Variants in DGKB observed in about 807,000 individuals in gnomAD.
DGKB encodes the protein 90 kDa diacylglycerol kinase.
DGKB carries 67 observed loss-of-function variants against 114.3 expected under a neutral mutation model. The ratio of observed to expected loss-of-function variants is 0.59; its 90% CI spans 0.48 to 0.72. The LOEUF (loss-of-function observed/expected upper bound fraction) is 0.72, where lower values mean the gene tolerates loss of function less well. Among genes scored for constraint, DGKB ranks in the 30% least tolerant of loss-of-function variants. DGKB has a pLI of 0.00. For missense variants in DGKB, 907 were observed against 975.2 expected, an observed-to-expected ratio of 0.93 and a Z score of 0.93; for synonymous variants, 398 against 323.1, an observed-to-expected ratio of 1.23 and a Z score of -2.49.
chr7:14,552,241 G>A (rs193020335), intron 20 of DGKB, among the ~76,000 whole-genome samples: 1 of 151,954 alleles, frequency 6.6e-6, no homozygotes, highest in Non-Finnish European at 1.5e-5. Context: ...GTTCATCTTT[G>A]TATCCACTAT....
chr7:14,149,007 ACTGT>A lies in DGKB; in HGVS notation c.*120_*123del. ...ATTTTACATTAGCTTAGTAACAAAA[ACTGT>A]TAAACCACTTCCATGATTTTGCATG... On this transcript the variant is annotated 3_prime_UTR_variant, in exon 26 of 26. Coordinates refer to ENST00000402815, the MANE Select transcript of DGKB (RefSeq NM_001350709.2). 1 of 829,710 alleles carries A rather than the reference ACTGT, an allele frequency of 1.2e-6. No homozygotes were observed. Among genetic ancestry groups the A allele is most frequent in the South Asian group, 1.5e-5 (1 of 64,806 alleles). The allele number at this position is 829,710 out of a possible 1,614,324, so 51.4% of individuals were successfully genotyped here.
intron 18 of DGKB, among the ~76,000 whole-genome samples, chr7:14,582,155 C>A: frequency 6.6e-6 from 1 of 151,992 alleles, no homozygotes; most frequent in East Asian, 1.9e-4. Context: ...TATGAAAGGG[C>A]CTGTTTTAAA....
chr7:14,725,244 T>C (rs1829844410), intron 5 of DGKB, among the ~76,000 whole-genome samples: 1 of 152,164 alleles, frequency 6.6e-6, no homozygotes, highest in Admixed American at 6.5e-5. Context: ...TAACTACCTA[T>C]GTCTATTTGA....
At chr7:14,514,091 C>T (rs909031429) in intron 20 of DGKB, among the ~76,000 whole-genome samples, 5 of 151,986 alleles carry the variant, frequency 3.3e-5, no homozygotes, top group African/African-American at 1.2e-4. Context: ...GGAAACCCTA[C>T]TAATTAACTT....
chr7:14,589,476 T>G (rs2128742542), intron 17 of DGKB, among the ~76,000 whole-genome samples: 1 of 152,126 alleles, frequency 6.6e-6, no homozygotes, highest in Non-Finnish European at 1.5e-5. Flanking sequence ...AGATAAGAAT[T>G]ACTTTTGGAA....
chr7:14,920,598 A>C (rs538346477), intron 1 of DGKB, among the ~76,000 whole-genome samples: 1 of 152,352 alleles, frequency 6.6e-6, no homozygotes, highest in African/African-American at 2.4e-5. Flanking sequence ...AGTTTCTTAC[A>C]AAGTTAAACA....
At chr7:14,331,913 C>T (rs73679711) in intron 23 of DGKB, among the ~76,000 whole-genome samples, 27,876 of 152,060 alleles carry the variant, frequency 0.18, 3,048 homozygotes, top group Non-Finnish European at 0.25. Flanking sequence ...TACACAGTCT[C>T]TCCCAACAGT....
At chr7:14,407,184 T>C (rs1000299259) in intron 21 of DGKB, among the ~76,000 whole-genome samples, 1 of 152,120 alleles carries the variant, frequency 6.6e-6, no homozygotes, top group Non-Finnish European at 1.5e-5. Flanking sequence ...GTGATAGTTC[T>C]AGTTCAACGG....
chr7:14,925,873 C>A (rs35762122), intron 1 of DGKB, among the ~76,000 whole-genome samples: 1 of 151,988 alleles, frequency 6.6e-6, no homozygotes, highest in South Asian at 2.1e-4. Flanking sequence ...GGTCCCCCCC[C>A]CACTTCCAGT....
intron 17 of DGKB, among the ~76,000 whole-genome samples, chr7:14,592,687 T>C (rs1190345120): frequency 1.3e-5 from 2 of 151,940 alleles, no homozygotes; most frequent in African/African-American, 2.4e-5. Context: ...TAAAAATCCA[T>C]GCATGAATTA....
chr7:14,392,995 G>GTTTTTGTTTTTTGTTTTTGTT, intron 21 of DGKB, among the ~76,000 whole-genome samples: 3 of 60,546 alleles, frequency 5.0e-5, no homozygotes, highest in African/African-American at 1.5e-4. Flanking sequence ...TTTTGTTTTT[G>GTTTTTGTTTTTTGTTTTTGTT]TTTTTTTTTT....
At chr7:14,856,325 A>C (rs1463182297) in intron 1 of DGKB, among the ~76,000 whole-genome samples, 1 of 152,136 alleles carries the variant, frequency 6.6e-6, no homozygotes, top group Non-Finnish European at 1.5e-5. Context: ...ATTGAAATAC[A>C]AAAATAAAAG....
At chr7:14,757,567 C>CAT (rs2128446844) in intron 3 of DGKB, 88 bp downstream of exon 3, 1 of 740,334 alleles carries the variant, frequency 1.4e-6, no homozygotes, top group Admixed American at 2.4e-5. Context: ...CACACACACA[C>CAT]ACATACATTT....
At chr7:14,485,624 T>G (rs1783685511) in intron 20 of DGKB, among the ~76,000 whole-genome samples, 1 of 151,218 alleles carries the variant, frequency 6.6e-6, no homozygotes, top group African/African-American at 2.4e-5. Context: ...CCTGGCCGGG[T>G]GCGGTGGCTC....
intron 1 of DGKB, among the ~76,000 whole-genome samples, chr7:14,860,664 A>C (rs1850842579): frequency 6.6e-6 from 1 of 151,902 alleles, no homozygotes; most frequent in African/African-American, 2.4e-5. Context: ...GATGATTTTT[A>C]CTGTTAGTTA....
At position 14,351,439 on chromosome 7, in the gene DGKB, A is replaced by G. The variant is rs142395594; in HGVS notation, c.1836-6048T>C. 4.4e-3 allele frequency among the ~76,000 whole-genome samples: 677 copies of G among 152,322 alleles called. 6 individuals are homozygous for G. The highest frequency in any genetic ancestry group is 7.9e-3 in the Non-Finnish European group (540 of 68,038). Reference sequence around the variant, plus strand: ...GGAGCCTGGTCGGCAAACGAGCCCTAGGTCAGTGCAGAGGGAAAGGGAGGA... The same window carrying G: ...GGAGCCTGGTCGGCAAACGAGCCCTGGGTCAGTGCAGAGGGAAAGGGAGGA... On this transcript the variant is annotated intron_variant, in intron 21 of 25. Transcript: ENST00000402815.
At chr7:14,159,016 G>A (rs150330645) in intron 25 of DGKB, among the ~76,000 whole-genome samples, 6 of 151,852 alleles carry the variant, frequency 4.0e-5, no homozygotes, top group Non-Finnish European at 7.4e-5. Context: ...TACCTCTCCC[G>A]CCAATTAATT....
At chr7:14,631,263 CAA>C (rs35088925) in intron 13 of DGKB, among the ~76,000 whole-genome samples, 169 of 98,356 alleles carry the variant, frequency 1.7e-3, no homozygotes, top group Middle Eastern at 0.017. Context: ...CAGCAAGAAC[CAA>C]AAAAAAAAAA....
chr7:14,558,543 T>TAA lies in DGKB; in HGVS notation c.1770+15667_1770+15668dup, dbSNP rs201583744. 5.7e-3 allele frequency among the ~76,000 whole-genome samples: 865 copies of TAA among 152,172 alleles called. 8 individuals carry two copies. Among genetic ancestry groups the TAA allele is most frequent in the Middle Eastern group, 0.02 (6 of 294 alleles). On this transcript the variant is annotated intron_variant, in intron 20 of 25. Coordinates refer to ENST00000402815, the MANE Select transcript of DGKB (RefSeq NM_001350709.2). ...TTTGCCTTTAAGATTTCTGCTTTTTTAAAAAAAACTGATTTTCCTTGTGGC... is the reference window on the plus strand; with the variant it reads ...TTTGCCTTTAAGATTTCTGCTTTTTTAAAAAAAAAACTGATTTTCCTTGTGGC...
Sources: gnomAD v4.1 joint callset for allele counts (sites outside exome capture counted in the v4.1 genomes callset) on GRCh38, gnomAD v4.1.1 for gene constraint, MANE v1.5 for transcripts, NCBI Gene and HGNC (gene_info 2026-07-23, HGNC 2026-07-21) for gene names.